Variants in ATG16L1 observed in about 807,000 individuals in gnomAD.
ATG16L1 encodes autophagy related 16 like 1, also known as autophagy-related protein 16-1.
Under a neutral mutation model 88.5 loss-of-function variants are expected in ATG16L1, and 37 were observed. That is an observed-to-expected ratio of 0.42 (90% CI 0.32 to 0.55). ATG16L1 has a LOEUF of 0.55. Among genes scored for constraint, ATG16L1 ranks in the 20% least tolerant of loss-of-function variants. The pLI is 0.13. For synonymous variants in ATG16L1, 301 were observed against 281.0 expected, an observed-to-expected ratio of 1.07 and a Z score of -0.71; for missense variants, 554 against 752.8, an observed-to-expected ratio of 0.74 and a Z score of 3.09.
intron 5 of ATG16L1, among the ~76,000 whole-genome samples, chr2:233,268,393 A>C (rs1487719584): frequency 1.3e-5 from 2 of 152,214 alleles, no homozygotes; most frequent in Non-Finnish European, 2.9e-5. Flanking sequence ...CAGGAAGCGG[A>C]GATTGCAGTG....
rs958904591 is a variant in ATG16L1, at chr2:233,256,222, T to C, written c.209+27T>C. 7.0e-6 allele frequency: 11 copies of C among 1,574,568 alleles called. No homozygotes were observed. The African/African-American group carries it at 1.5e-4, about 21-fold the overall frequency. On this transcript the variant is annotated intron_variant, in intron 2 of 17. Coordinates refer to ENST00000392017, the MANE Select transcript of ATG16L1 (RefSeq NM_030803.7). ...TATTTTGAAACTAACTTGTATTATT[T>C]ATGTCTCCTCTAAGGAAATTTATCT...
At position 233,293,255 on chromosome 2, in the gene ATG16L1, G is replaced by A; in HGVS notation, c.1629-1G>A. 1 of 1,613,760 alleles carries A rather than the reference G, an allele frequency of 6.2e-7. No homozygotes were observed. The highest frequency in any genetic ancestry group is 8.5e-7 in the Non-Finnish European group (1 of 1,179,598). On this transcript the variant is annotated splice_acceptor_variant, in intron 16 of 17. Coordinates refer to ENST00000392017, the MANE Select transcript of ATG16L1 (RefSeq NM_030803.7). LOFTEE classifies it high-confidence loss of function. ...CTTTCTTTTCTTACTGTCTTCTGTAGCCCTGATGGCAGTTACGTGGCGGCA... is the reference window on the plus strand; with the variant it reads ...CTTTCTTTTCTTACTGTCTTCTGTAACCCTGATGGCAGTTACGTGGCGGCA...
At chr2:233,255,698 G>A (rs1255132227) in intron 1 of ATG16L1, among the ~76,000 whole-genome samples, 3 of 152,280 alleles carry the variant, frequency 2.0e-5, no homozygotes, top group Non-Finnish European at 2.9e-5. Flanking sequence ...AGTACAGAGT[G>A]TATTCTCTGT....
intron 1 of ATG16L1, among the ~76,000 whole-genome samples, chr2:233,254,496 T>C (rs961430318): frequency 4.6e-5 from 7 of 152,214 alleles, no homozygotes; most frequent in African/African-American, 1.7e-4. Context: ...TGCCTTTGAG[T>C]CTGAAGAGAA....
At chr2:233,287,617 C>G (rs1476189761) in intron 12 of ATG16L1, among the ~76,000 whole-genome samples, 7 of 152,214 alleles carry the variant, frequency 4.6e-5, no homozygotes, top group Non-Finnish European at 8.8e-5. Context: ...GTGGTTCATG[C>G]CTGTAATCTT....
In ATG16L1 at chr2:233,281,115, G is replaced by C; in HGVS notation, c.1071G>C (p.Glu357Asp). The C allele has an allele frequency of 6.2e-7, 1 of 1,601,476 alleles. No homozygotes were observed. The highest frequency in any genetic ancestry group is 8.5e-7 in the Non-Finnish European group (1 of 1,175,806). ...TTTCTTTTTATACAGAAAAATGTGA[G>C]TTCAAGGGTTCCCTATCTGGCAGTA... is the stretch of plus-strand genomic sequence containing the variant. ...KLWEVFGEKC[E>D]FKGSLSGSNA... is the part of the protein sequence containing the mutation. The change falls in exon 11 of 18, where the codon GAG becomes GAC. Residue 357 changes from glutamate to aspartate, a missense_variant. Glu to Asp is a conservative substitution (Grantham distance 45, BLOSUM62 2). Transcript: ENST00000392017.
At chr2:233,289,071 C>G (rs4663136) in intron 12 of ATG16L1, 254,541 of 382,800 alleles carry the variant, frequency 0.66, 85,889 homozygotes, top group South Asian at 0.79. Context: ...AGCAGCATGG[C>G]GCAACATCGA....
chr2:233,268,700 C>A (rs1158357504), intron 5 of ATG16L1, among the ~76,000 whole-genome samples: 2 of 152,158 alleles, frequency 1.3e-5, no homozygotes, highest in East Asian at 3.8e-4. Flanking sequence ...GTTGTCTCTA[C>A]CAGCTAAGAC....
At chr2:233,279,383 G>A (rs1698577547) in intron 10 of ATG16L1, among the ~76,000 whole-genome samples, 1 of 152,108 alleles carries the variant, frequency 6.6e-6, no homozygotes, top group South Asian at 2.1e-4. Flanking sequence ...ACGAACATCA[G>A]TTGAAGTTAA....
intron 1 of ATG16L1, among the ~76,000 whole-genome samples, chr2:233,255,807 C>T (rs1696737171): frequency 6.6e-6 from 1 of 152,194 alleles, no homozygotes; most frequent in Non-Finnish European, 1.5e-5. Context: ...GATATGTCAA[C>T]TTATGGTAAA....
At chr2:233,267,374 G>A (rs1697676717) in intron 5 of ATG16L1, among the ~76,000 whole-genome samples, 1 of 152,124 alleles carries the variant, frequency 6.6e-6, no homozygotes, top group African/African-American at 2.4e-5. Context: ...AGAATACTTA[G>A]TGCTGTGGAA....
intron 5 of ATG16L1, among the ~76,000 whole-genome samples, chr2:233,268,329 G>T (rs1209808803): frequency 6.6e-6 from 1 of 152,214 alleles, no homozygotes; most frequent in Non-Finnish European, 1.5e-5. Context: ...TGTAGTGGCA[G>T]GTGGCTGTAA....
At chr2:233,292,065 C>T (rs1251637303) in intron 14 of ATG16L1, 63 bp from the exon 15 acceptor site, 73 of 1,566,412 alleles carry the variant, frequency 4.7e-5, no homozygotes, top group Non-Finnish European at 5.8e-5. Flanking sequence ...TTTTTTCCTC[C>T]ACGGCATGAT....
rs543648611 is a variant in ATG16L1 at position 233,266,296 on chromosome 2, A to AAAAAAC, written c.641+1164_641+1169dup. 277 of 152,336 alleles carry AAAAAAC rather than the reference A, an allele frequency of 1.8e-3. 1 individual carries two copies. The highest frequency in any genetic ancestry group is 6.2e-3 in the African/African-American group (256 of 41,560). The allele number at this position is 152,336 out of a possible 1,614,324, so 9.4% of individuals were successfully genotyped here. On this transcript the variant is annotated intron_variant, in intron 5 of 17. Coordinates refer to ENST00000392017, the MANE Select transcript of ATG16L1 (RefSeq NM_030803.7). ...CAACATAGTGAGACTCCATCTGTAC[A>AAAAAAC]AAAAACAAAAACAAAAGCTGAGCAT... is the stretch of plus-strand genomic sequence containing the variant.
intron 9 of ATG16L1, chr2:233,275,585 G>GTGGACTGGCTGAGTGA (rs1480326807): frequency 4.9e-6 from 2 of 411,736 alleles, no homozygotes. Flanking sequence ...TAGTTACACA[G>GTGGACTGGCTGAGTGA]TGGACTGGCT....
intron 12 of ATG16L1, among the ~76,000 whole-genome samples, chr2:233,284,628 A>C (rs7595856): frequency 2.6e-5 from 4 of 151,938 alleles, no homozygotes; most frequent in Non-Finnish European, 5.9e-5. Flanking sequence ...CACTGCGCCT[A>C]GCCCAATTTT....
chr2:233,273,690 AG>A, intron 7 of ATG16L1, 30 bp from the exon 8 acceptor site: 1 of 1,606,954 alleles, frequency 6.2e-7, no homozygotes, highest in Non-Finnish European at 8.5e-7. Context: ...AATGTTTCTA[AG>A]GTTTAAACCT....
intron 1 of ATG16L1, 42 bp downstream of exon 1, chr2:233,251,984 C>T: frequency 1.4e-6 from 2 of 1,463,456 alleles, no homozygotes; most frequent in South Asian, 2.6e-5. Flanking sequence ...GCGGGCGGGC[C>T]CCGCGGAGGC....
chr2:233,284,568 G>A (rs962608679), intron 12 of ATG16L1, among the ~76,000 whole-genome samples: 4 of 151,920 alleles, frequency 2.6e-5, no homozygotes, highest in South Asian at 2.1e-4. Context: ...TCCTGACCTC[G>A]TGATCCACCT....
Sources: allele counts gnomAD v4.1 joint callset (sites outside exome capture counted in the v4.1 genomes callset), GRCh38; gene constraint gnomAD v4.1.1; transcripts MANE v1.5; gene names NCBI Gene and HGNC (gene_info 2026-07-23, HGNC 2026-07-21).